PIK3R2: variants seen among roughly 807,000 people sequenced by gnomAD.
The protein encoded by PIK3R2 is phosphoinositide-3-kinase regulatory subunit 2, also known as phosphatidylinositol 3-kinase regulatory subunit beta.
PIK3R2 carries 40 observed loss-of-function variants against 78.5 expected under a neutral mutation model. That is an observed-to-expected ratio of 0.51 (90% CI 0.40 to 0.66). PIK3R2 has a LOEUF of 0.66. PIK3R2 is among the 30% of genes least tolerant of loss of function. The pLI is 0.00. For synonymous variants in PIK3R2, 473 were observed against 457.7 expected (o/e 1.03, Z -0.43); for missense variants, 880 against 1,026.6 (o/e 0.86, Z 1.95).
rs568116829 is a variant in PIK3R2, at chr19:18,156,680, C to A, written c.322+479C>A. On this transcript the variant is annotated intron_variant, in intron 2 of 15. Coordinates refer to ENST00000222254, the MANE Select transcript of PIK3R2 (RefSeq NM_005027.4). The surrounding 1 kb of genome is among the most constrained non-coding windows in gnomAD (Gnocchi z 4.2). ...TCATCCTGCCTTTTGCAGACAGGGT[C>A]CCTTGAAGAACCCCTTTGGAGACCC... Among the ~76,000 whole-genome samples the A allele has an allele frequency of 9.2e-5, 14 of 152,256 alleles. No homozygotes were observed. Among genetic ancestry groups the A allele is most frequent in the African/African-American group, 2.6e-4 (11 of 41,530 alleles).
rs1181440434 is a variant in PIK3R2 at position 18,169,341 on chromosome 19, G to A, written c.*47G>A. 63 of 1,162,170 alleles carry A rather than the reference G, an allele frequency of 5.4e-5. No individual in the cohort carries two copies. The highest frequency in any genetic ancestry group is 4.9e-4 in the Admixed American group (11 of 22,458). The allele number at this position is 1,162,170 out of a possible 1,614,324, so 72.0% of individuals were successfully genotyped here. On this transcript the variant is annotated 3_prime_UTR_variant, in exon 16 of 16. Transcript: ENST00000222254. ...CAGAGCCGCCCCTGGGCCCGTCTGC[G>A]CCGGAGGCTGCGGCGGCGGGAGCCA...
Position 18,169,460 on chromosome 19 carries a change from C to G in PIK3R2, c.*166C>G, listed in dbSNP as rs1273312064. 1 of 365,598 alleles carries G rather than the reference C, an allele frequency of 2.7e-6. No homozygotes were observed. The highest frequency in any genetic ancestry group is 4.9e-6 in the Non-Finnish European group (1 of 204,520). The allele number at this position is 365,598 out of a possible 1,614,324, so 22.6% of individuals were successfully genotyped here. A position where few individuals can be genotyped will look rare whatever the true frequency, so the allele number is the denominator to read the frequency against. On this transcript the variant is annotated 3_prime_UTR_variant, in exon 16 of 16. Transcript: ENST00000222254. The stretch of plus-strand genomic sequence containing the variant: ...CCCTCTTTCTCTTTCCTTCCCTCCC[C>G]CATTCTCCAGATCTCCCTCTGTCTC...
At chr19:18,162,596 A>C in intron 9 of PIK3R2, 90 bp downstream of exon 9, 11 of 1,134,926 alleles carry the variant, frequency 9.7e-6, no homozygotes, top group Non-Finnish European at 1.3e-5. Context: ...GGTTTCAAGA[A>C]TGGAGGGCCA....
rs372071472 is a variant in PIK3R2 at position 18,160,951 on chromosome 19, C to G, written c.448C>G (p.Leu150Val). 1.2e-6 allele frequency: 2 copies of G among 1,612,112 alleles called. No homozygotes were observed. Among genetic ancestry groups the G allele is most frequent in the African/African-American group, 2.7e-5 (2 of 74,942 alleles). Residue 150 changes from leucine to valine, a missense_variant, in exon 4 of 16, where the codon CTG (leucine) becomes GTG (valine). Around this residue, in one of 3 missense-constraint regions of PIK3R2, gnomAD observed 456 missense variants for 486.6 expected, o/e 0.94. Coordinates refer to ENST00000222254, the MANE Select transcript of PIK3R2 (RefSeq NM_005027.4). ...LDSESHYRPE[L>V]PAPRTDWSLS... ...CAGCGAATCTCACTACCGCCCGGAG[C>G]TGCCCGCACCGCGTACAGGTGAAGG...
chr19:18,162,589 T>G (rs1019856639), intron 9 of PIK3R2, 83 bp downstream of exon 9: 22 of 1,253,634 alleles, frequency 1.8e-5, no homozygotes, highest in African/African-American at 1.6e-4. Flanking sequence ...CATGTGCGGT[T>G]TCAAGAATGG....
Position 18,163,249 on chromosome 19 carries a change from C to T in PIK3R2, c.1291-14C>T, listed in dbSNP as rs753687139. On this transcript the variant is annotated splice_polypyrimidine_tract_variant and intron_variant, in intron 10 of 15. Coordinates refer to ENST00000222254, the MANE Select transcript of PIK3R2 (RefSeq NM_005027.4). ...AGGCTATGCATCTCCCCTCATTCCG[C>T]CACGTATCTCCAGGACCAGATTGTC... The T allele has an allele frequency of 1.2e-6, 2 of 1,614,002 alleles. No individual in the cohort carries two copies. The highest frequency in any genetic ancestry group is 1.6e-4 in the Middle Eastern group (1 of 6,084).
Position 18,168,592 on chromosome 19 carries a change from G to A in PIK3R2, c.1808+46G>A, listed in dbSNP as rs778139812. 1 of 809,704 alleles carries A rather than the reference G, an allele frequency of 1.2e-6. No individual in the cohort carries two copies. The allele number at this position is 809,704 out of a possible 1,614,324, so 50.2% of individuals were successfully genotyped here. A position where few individuals can be genotyped will look rare whatever the true frequency, so the allele number is the denominator to read the frequency against. On this transcript the variant is annotated intron_variant, in intron 14 of 15. Transcript: ENST00000222254. This position sits in a 1 kb window ranked among gnomAD's most constrained non-coding sequence, Gnocchi z 4.1. ...AGGCAGGGAGGGCTTCCCAGAGGAG[G>A]GGGCCATTTGGGGTGGGTTTCGAAG...
intron 15 of PIK3R2, 45 bp from the exon 16 acceptor site, chr19:18,169,042 C>T: frequency 3.8e-6 from 6 of 1,581,452 alleles, no homozygotes; most frequent in South Asian, 1.1e-5. Context: ...GAAAGCTTGG[C>T]GGGGAGGCCA....
rs2043830217 is a variant in PIK3R2, at chr19:18,168,447, C to G, written c.1737-28C>G. On this transcript the variant is annotated intron_variant, in intron 13 of 15. Coordinates refer to ENST00000222254, the MANE Select transcript of PIK3R2 (RefSeq NM_005027.4). The surrounding 1 kb of genome is among the most constrained non-coding windows in gnomAD (Gnocchi z 4.1). ...TGGGCTCAGCACCCACACAACTGCA[C>G]AAGCCCACCTTTCCTGTTCCTTCTC... The G allele has an allele frequency of 1.3e-6, 1 of 776,670 alleles. No individual in the cohort carries two copies. Among genetic ancestry groups the G allele is most frequent in the Non-Finnish European group, 2.4e-6 (1 of 416,262 alleles). 48.1% of individuals were successfully genotyped at this position (776,670 alleles called of 1,614,324 possible).
intron 7 of PIK3R2, 46 bp from the exon 8 acceptor site, chr19:18,162,156 A>C (rs1276714705): frequency 1.1e-5 from 15 of 1,411,508 alleles, no homozygotes; most frequent in East Asian, 2.3e-5. Context: ...AGGCAGCCAC[A>C]GTATACAGTC....
In PIK3R2 at chr19:18,168,487, G is replaced by C. The variant is rs1338684680; in HGVS notation, c.1749G>C (p.Gln583His). The change falls in exon 14 of 16, where the codon CAG becomes CAC. Residue 583 changes from glutamine (Q) to histidine (H), a missense_variant. Around this residue, in one of 3 missense-constraint regions of PIK3R2, gnomAD observed 268 missense variants for 299.1 expected, o/e 0.90. Coordinates refer to ENST00000222254, the MANE Select transcript of PIK3R2 (RefSeq NM_005027.4). This position sits in a 1 kb window ranked among gnomAD's most constrained non-coding sequence, Gnocchi z 4.1. The part of the protein sequence containing the change: ...IRDQYLVWLT[Q>H]KGARQKKINE... ...TGTTCCTTCTCAGGTGGCTCACCCA[G>C]AAAGGCGCCCGGCAGAAGAAAATCA... 1 of 780,742 alleles carries C rather than the reference G, an allele frequency of 1.3e-6. No homozygotes were observed. Among genetic ancestry groups the C allele is most frequent in the South Asian group, 1.3e-5 (1 of 74,564 alleles). 48.4% of individuals were successfully genotyped at this position (780,742 alleles called of 1,614,324 possible).
At position 18,165,362 on chromosome 19, in the gene PIK3R2, CAAAAAA is replaced by C. The variant is rs33933785; in HGVS notation, c.1417-781_1417-776del. Among the ~76,000 whole-genome samples the C allele has an allele frequency of 3.7e-5, 3 of 80,986 alleles. No individual in the cohort carries two copies. In the Admixed American group the frequency reaches 4.5e-4, roughly 12 times the overall value. The allele number at this position is 80,986 out of a possible 152,430, so 53.1% of individuals were successfully genotyped here. ...CCTGGGACAGAGTGAGACTCCGTCT[CAAAAAA>C]AAAAAAAAAAAAAAAATTAGCCGGG... On this transcript the variant is annotated intron_variant, in intron 11 of 15. Coordinates refer to ENST00000222254, the MANE Select transcript of PIK3R2 (RefSeq NM_005027.4).
At position 18,161,675 on chromosome 19, in the gene PIK3R2, G is replaced by C. The variant is rs2043748731; in HGVS notation, c.815+180G>C. Reference sequence around the variant, plus strand: ...GGGCTCCTGAGTCGTGGGACAGAAGGTGAAGGGGCCTAGTCCCGAAGCATG... The same window carrying C: ...GGGCTCCTGAGTCGTGGGACAGAAGCTGAAGGGGCCTAGTCCCGAAGCATG... On this transcript the variant is annotated intron_variant, in intron 6 of 15. Transcript: ENST00000222254. The surrounding 1 kb of genome is among the most constrained non-coding windows in gnomAD (Gnocchi z 5.3). 1.3e-5 allele frequency among the ~76,000 whole-genome samples: 2 copies of C among 152,208 alleles called. No homozygotes were observed. The highest frequency in any genetic ancestry group is 4.8e-5 in the African/African-American group (2 of 41,464).
rs779519249 is a variant in PIK3R2 at position 18,155,934 on chromosome 19, C to T, written c.55C>T (p.Arg19Trp). Reference sequence around the variant, plus strand: ...CGCTCTGTACCCGTTCCGCCGGGAGCGGCCGGAGGACCTGGAGCTGCTGCC... The same window carrying T: ...CGCTCTGTACCCGTTCCGCCGGGAGTGGCCGGAGGACCTGGAGCTGCTGCC... ...YRALYPFRRERPEDLELLPGD... is the reference protein window; with the variant it reads ...YRALYPFRREWPEDLELLPGD... The change falls in exon 2 of 16, where the codon CGG (arginine) becomes TGG (tryptophan). Residue 19 changes from arginine to tryptophan, a missense_variant. By Grantham distance (101) the Arg-to-Trp change is moderately radical (BLOSUM62 -3). This residue lies in a region of PIK3R2 where 456 missense variants were observed against 486.6 expected (regional missense o/e 0.94). Transcript: ENST00000222254. 2.4e-5 allele frequency: 38 copies of T among 1,569,296 alleles called. No individual in the cohort carries two copies. The highest frequency in any genetic ancestry group is 3.3e-4 in the Middle Eastern group (2 of 6,026).
In PIK3R2 at chr19:18,155,644, TC is replaced by T; in HGVS notation, c.-233del. 1 of 541,904 alleles carries T rather than the reference TC, an allele frequency of 1.8e-6. No individual in the cohort carries two copies. The highest frequency in any genetic ancestry group is 3.2e-6 in the Non-Finnish European group (1 of 309,548). 33.6% of individuals were successfully genotyped at this position (541,904 alleles called of 1,614,324 possible). Reference sequence around the variant, plus strand: ...AGTGACCTGACACCACACCACCAACTCCCTCCCACCAGCTGACGAATGGTGG... The same window carrying T: ...AGTGACCTGACACCACACCACCAACTCCTCCCACCAGCTGACGAATGGTGG... On this transcript the variant is annotated 5_prime_UTR_variant, in exon 2 of 16. Transcript: ENST00000222254.
Position 18,153,261 on chromosome 19 carries a change from C to G in PIK3R2, c.-457C>G, listed in dbSNP as rs1398971396. On this transcript the variant is annotated 5_prime_UTR_variant, in exon 1 of 16. Transcript: ENST00000222254. ...ACGGGGCGGGCTTGGCTTGGTGTGA[C>G]GGCGGCTGCGGCGGCGGTGGCGGCC... The G allele has an allele frequency of 6.5e-6, 1 of 154,990 alleles. No individual in the cohort carries two copies. Among genetic ancestry groups the G allele is most frequent in the Non-Finnish European group, 1.4e-5 (1 of 69,798 alleles). The allele number at this position is 154,990 out of a possible 1,614,324, so 9.6% of individuals were successfully genotyped here. A position where few individuals can be genotyped will look rare whatever the true frequency, so the allele number is the denominator to read the frequency against.
chr19:18,158,843 T>C (rs2043709048), intron 2 of PIK3R2, among the ~76,000 whole-genome samples: 1 of 152,072 alleles, frequency 6.6e-6, no homozygotes, highest in African/African-American at 2.4e-5. Context: ...TCTTTTTGTT[T>C]TGTTTTGTTT....
rs1212739225 is a variant in PIK3R2, at chr19:18,161,867, G to A, written c.816-99G>A. The stretch of plus-strand genomic sequence containing the variant: ...TCCTCCGCCCTGCACATACTGTCTC[G>A]TATATACCCCCAGGCGTGCAAGCGC... On this transcript the variant is annotated intron_variant, in intron 6 of 15. Coordinates refer to ENST00000222254, the MANE Select transcript of PIK3R2 (RefSeq NM_005027.4). The surrounding 1 kb of genome is among the most constrained non-coding windows in gnomAD (Gnocchi z 5.3). 5 of 971,214 alleles carry A rather than the reference G, an allele frequency of 5.1e-6. No individual in the cohort carries two copies. In the Admixed American group the frequency reaches 7.2e-5, roughly 14 times the overall value. 60.2% of individuals were successfully genotyped at this position (971,214 alleles called of 1,614,324 possible).
At chr19:18,153,320 GGGGGCGGCTGGGAGTGTGCTTAAATGC>G (rs1306458764) in intron 1 of PIK3R2, 26 bp downstream of exon 1, 2 of 153,522 alleles carry the variant, frequency 1.3e-5, no homozygotes, top group Admixed American at 6.5e-5. Context: ...CCCTCGTGGC[GGGGGCGGCTGGGAGTGTGCTTAAATGC>G]GGGGCGCCCG....
Sources: allele counts gnomAD v4.1 joint callset (sites outside exome capture counted in the v4.1 genomes callset), GRCh38; gene constraint gnomAD v4.1.1; regional missense constraint gnomAD v4.1.1; non-coding constraint Gnocchi (gnomAD v3.1); transcripts MANE v1.5; gene names NCBI Gene and HGNC (gene_info 2026-07-23, HGNC 2026-07-21).